Variants in ARFGEF1 observed in about 807,000 individuals in gnomAD.
ARFGEF1 encodes the protein ARF guanine nucleotide exchange factor 1.
Under a neutral mutation model 231.0 loss-of-function variants are expected in ARFGEF1, and 42 were observed. The ratio of observed to expected loss-of-function variants is 0.18; its 90% confidence interval spans 0.14 to 0.24. The LOEUF is 0.24. Among genes scored for constraint, ARFGEF1 ranks in the 10% least tolerant of loss-of-function variants. The probability of loss-of-function intolerance (pLI) is 1.00; values close to 1 mark genes in which losing one functional copy is unlikely to be tolerated. For synonymous variants in ARFGEF1, 710 were observed against 732.3 expected (o/e 0.97, Z 0.49); for missense variants, 1,345 against 2,192.0 (o/e 0.61, Z 7.72).
chr8:67,239,335 C>T (rs548621615), intron 20 of ARFGEF1, among the ~76,000 whole-genome samples: 150 of 152,164 alleles, frequency 9.9e-4, no homozygotes, highest in Middle Eastern at 6.8e-3. Flanking sequence ...CCTATTAAAC[C>T]TCCACTCCTA....
At chr8:67,208,292 T>A (rs1195826723) in intron 34 of ARFGEF1, among the ~76,000 whole-genome samples, 1 of 151,760 alleles carries the variant, frequency 6.6e-6, no homozygotes, top group Admixed American at 6.6e-5. Flanking sequence ...CTGAAAAAAA[T>A]TAAATCAAAA....
At chr8:67,289,013 A>T (rs1805883459) in intron 6 of ARFGEF1, among the ~76,000 whole-genome samples, 1 of 152,210 alleles carries the variant, frequency 6.6e-6, no homozygotes, top group Non-Finnish European at 1.5e-5. Flanking sequence ...ACTTCTGAAT[A>T]GCCTAAGAGA....
intron 1 of ARFGEF1, among the ~76,000 whole-genome samples, chr8:67,316,727 T>C (rs1807335352): frequency 6.6e-6 from 1 of 152,204 alleles, no homozygotes; most frequent in Admixed American, 6.5e-5. Flanking sequence ...CCCAAAATGC[T>C]GCGATTACAG....
At chr8:67,341,790 C>T (rs917101339) in intron 1 of ARFGEF1, among the ~76,000 whole-genome samples, 2 of 152,140 alleles carry the variant, frequency 1.3e-5, no homozygotes, top group Non-Finnish European at 2.9e-5. Flanking sequence ...AGACAACTGT[C>T]TTCTCATACA....
chr8:67,200,009 A>G (rs1340249488), intron 38 of ARFGEF1: 1 of 333,722 alleles, frequency 3.0e-6, no homozygotes, highest in Middle Eastern at 1.1e-3. Context: ...AGCCCAGAGC[A>G]CAGGCCCAGG....
At chr8:67,327,898 T>C (rs891359301) in intron 1 of ARFGEF1, among the ~76,000 whole-genome samples, 1 of 152,242 alleles carries the variant, frequency 6.6e-6, no homozygotes, top group Non-Finnish European at 1.5e-5. Flanking sequence ...TAATCAATCC[T>C]ATATTGTTGA....
At chr8:67,194,791 A>AAT (rs1837462695), downstream of ARFGEF1, among the ~76,000 whole-genome samples, 1 of 152,292 alleles carries the variant, frequency 6.6e-6, no homozygotes, top group Admixed American at 6.5e-5. Context: ...AGTTGCGTAC[A>AAT]ATCAATCAGA....
chr8:67,209,806 C>G (rs1277241606), intron 34 of ARFGEF1, among the ~76,000 whole-genome samples: 1 of 152,068 alleles, frequency 6.6e-6, no homozygotes, highest in East Asian at 1.9e-4. Context: ...GAAATGGGCA[C>G]AGGCCGACTA....
chr8:67,305,029 C>T (rs1806673776), intron 1 of ARFGEF1, among the ~76,000 whole-genome samples: 1 of 152,058 alleles, frequency 6.6e-6, no homozygotes, highest in Non-Finnish European at 1.5e-5. Context: ...GGTGAATTCC[C>T]ATTTGTAAAA....
intron 29 of ARFGEF1, among the ~76,000 whole-genome samples, chr8:67,221,345 T>G (rs776237075): frequency 1.8e-4 from 27 of 152,288 alleles, no homozygotes; most frequent in African/African-American, 6.3e-4. Flanking sequence ...TATGTGTTAC[T>G]TCCCCCTGAA....
chr8:67,311,257 C>T, intron 1 of ARFGEF1, among the ~76,000 whole-genome samples: 1 of 137,816 alleles, frequency 7.3e-6, no homozygotes. Context: ...AGCCCCCCGC[C>T]CGGCCAGCCG....
intron 5 of ARFGEF1, among the ~76,000 whole-genome samples, chr8:67,180,979 T>C (rs185836141): frequency 1.3e-5 from 2 of 152,262 alleles, no homozygotes; most frequent in East Asian, 3.9e-4. Flanking sequence ...CCAATTACTT[T>C]AGATTTTCAT....
At chr8:67,257,982 C>T in intron 16 of ARFGEF1, 103 bp downstream of exon 16, 1 of 1,230,540 alleles carries the variant, frequency 8.1e-7, no homozygotes, top group South Asian at 1.4e-5. Flanking sequence ...TCTAAATTCT[C>T]TAAACAGGGG....
At chr8:67,317,407 C>T (rs1807367937) in intron 1 of ARFGEF1, among the ~76,000 whole-genome samples, 2 of 152,002 alleles carry the variant, frequency 1.3e-5, no homozygotes, top group African/African-American at 4.8e-5. Flanking sequence ...CTGTGAAATA[C>T]GACTCAACTC....
chr8:67,222,504 G>A (rs1263626803), intron 29 of ARFGEF1, among the ~76,000 whole-genome samples: 5 of 151,914 alleles, frequency 3.3e-5, no homozygotes, highest in Non-Finnish European at 5.9e-5. Flanking sequence ...CTGGGCTGGA[G>A]TAGAGTGGCA....
At chr8:67,242,623 C>A (rs1274833884) in intron 19 of ARFGEF1, among the ~76,000 whole-genome samples, 4 of 152,240 alleles carry the variant, frequency 2.6e-5, no homozygotes, top group African/African-American at 4.8e-5. Flanking sequence ...TGGGGAGGGA[C>A]TCCTTCTTCT....
At chr8:67,246,015 TAA>T (rs1279681278) in intron 19 of ARFGEF1, among the ~76,000 whole-genome samples, 7 of 150,442 alleles carry the variant, frequency 4.7e-5, no homozygotes, top group Admixed American at 6.6e-5. Context: ...TATGCAATGA[TAA>T]AGAGGTCAAT....
chr8:67,297,785 CA>C (rs1183677641), intron 4 of ARFGEF1, among the ~76,000 whole-genome samples: 1 of 148,794 alleles, frequency 6.7e-6, no homozygotes, highest in African/African-American at 2.5e-5. Flanking sequence ...CATGATAGGT[CA>C]AAATGATCAA....
At chr8:67,229,364 C>T (rs964635282) in intron 23 of ARFGEF1, among the ~76,000 whole-genome samples, 2 of 152,018 alleles carry the variant, frequency 1.3e-5, no homozygotes, top group Non-Finnish European at 2.9e-5. Flanking sequence ...CCTACTATCA[C>T]AATCTAAATG....
Sources: allele counts gnomAD v4.1 joint callset (sites outside exome capture counted in the v4.1 genomes callset), GRCh38; gene constraint gnomAD v4.1.1; transcripts MANE v1.5; gene names NCBI Gene and HGNC (gene_info 2026-07-23, HGNC 2026-07-21).